Variants in ERCC5 observed in about 807,000 individuals in gnomAD.
ERCC5 encodes ERCC excision repair 5, endonuclease, also known as DNA excision repair protein ERCC-5.
A neutral mutation model predicts 105.6 loss-of-function variants in ERCC5; 68 were observed. The ratio of observed to expected loss-of-function variants is 0.64; its 90% confidence interval spans 0.53 to 0.79. The LOEUF (loss-of-function observed/expected upper bound fraction) is 0.79, where lower values mean the gene tolerates loss of function less well. Among genes scored for constraint, ERCC5 ranks in the 30% least tolerant of loss-of-function variants. The pLI, the probability that ERCC5 is intolerant of heterozygous loss-of-function variation, is 0.00. For synonymous variants in ERCC5, 546 were observed against 526.2 expected (o/e 1.04, Z -0.51); for missense variants, 1,373 against 1,426.7 (o/e 0.96, Z 0.61).
At chr13:102,849,471 T>A (rs778716920) in intron 1 of ERCC5, 4 of 517,956 alleles carry the variant, frequency 7.7e-6, no homozygotes, top group South Asian at 5.6e-5. Context: ...TGGATATGCC[T>A]GGCCCATGGT....
At chr13:102,855,945 T>C (rs1291218622) in intron 4 of ERCC5, 107 bp from the exon 5 acceptor site, 4 of 1,126,470 alleles carry the variant, frequency 3.6e-6, no homozygotes, top group Non-Finnish European at 4.0e-6. Context: ...ATCTTGCTGT[T>C]TTATTCACCA....
At chr13:102,872,531 C>A (rs1595390246) in intron 13 of ERCC5, 133 bp downstream of exon 13, 1 of 1,077,798 alleles carries the variant, frequency 9.3e-7, no homozygotes, top group East Asian at 2.6e-5. Context: ...TCCCGCTCTC[C>A]TTTTCACTCT....
Position 102,862,808 on chromosome 13 carries a change from G to C in ERCC5, c.1659G>C (p.Glu553Asp), listed in dbSNP as rs746518425. ...AGCAGAACGAACTTTGCCCATATGA[G>C]AGTAAATTCGATTCTTCTCTTCTTT... ...LEQQNELCPY[E>D]SKFDSSLLSS... The change falls in exon 8 of 15, where the codon GAG (glutamate) becomes GAC (aspartate). Residue 553 changes from glutamate (E) to aspartate (D), a missense_variant. Transcript: ENST00000652225. 6.2e-7 allele frequency: 1 copy of C among 1,614,206 alleles called. No individual in the cohort carries two copies. The highest frequency in any genetic ancestry group is 8.5e-7 in the Non-Finnish European group (1 of 1,180,036).
At chr13:102,868,047 A>G in intron 11 of ERCC5, 66 bp from the exon 12 acceptor site, 1 of 1,478,788 alleles carries the variant, frequency 6.8e-7, no homozygotes, top group Non-Finnish European at 9.3e-7. Flanking sequence ...GATTTATATA[A>G]TAAAATGTTT....
At chr13:102,855,601 C>T (rs974115256) in intron 4 of ERCC5, among the ~76,000 whole-genome samples, 1 of 152,216 alleles carries the variant, frequency 6.6e-6, no homozygotes, top group African/African-American at 2.4e-5. Context: ...TTACACTTTC[C>T]AGTCTTATCC....
Position 102,866,449 on chromosome 13 carries a change from AG to A in ERCC5, c.2319+73del. On this transcript the variant is annotated intron_variant, in intron 10 of 14. Coordinates refer to ENST00000652225, the MANE Select transcript of ERCC5 (RefSeq NM_000123.4). ...ACCCCTGGGGGAATGCACTGCATGA[AG>A]GGGGTATGCACTGTGCCCCCTGGTG... 1.9e-6 allele frequency: 3 copies of A among 1,613,250 alleles called. No homozygotes were observed. The South Asian group carries it at 3.3e-5, about 18-fold the overall frequency.
At chr13:102,847,813 A>C (rs1189123420) in intron 1 of ERCC5, among the ~76,000 whole-genome samples, 2 of 152,210 alleles carry the variant, frequency 1.3e-5, no homozygotes, top group Non-Finnish European at 2.9e-5. Flanking sequence ...GAACCCTTAA[A>C]ACTTCAGCAA....
intron 1 of ERCC5, among the ~76,000 whole-genome samples, chr13:102,848,469 CTT>C (rs1452155550): frequency 6.6e-6 from 1 of 152,114 alleles, no homozygotes; most frequent in African/African-American, 2.4e-5. Context: ...ACTTTTGTCT[CTT>C]ATAGATTTTA....
chr13:102,869,489 T>TA (rs1366615848), intron 12 of ERCC5, among the ~76,000 whole-genome samples: 1 of 152,150 alleles, frequency 6.6e-6, no homozygotes, highest in African/African-American at 2.4e-5. Flanking sequence ...CATATATATG[T>TA]ATACTCATTT....
chr13:102,874,351 C>T (rs1566473708), intron 14 of ERCC5, among the ~76,000 whole-genome samples: 1 of 152,134 alleles, frequency 6.6e-6, no homozygotes, highest in African/African-American at 2.4e-5. Flanking sequence ...ATCCTCCCCC[C>T]CAACTTATTA....
intron 8 of ERCC5, among the ~76,000 whole-genome samples, chr13:102,864,271 A>G (rs986556839): frequency 2.0e-5 from 3 of 152,190 alleles, no homozygotes; most frequent in Non-Finnish European, 4.4e-5. Context: ...CTATATAAAT[A>G]TGCTGTTCCT....
chr13:102,872,968 C>T (rs1258400773), intron 13 of ERCC5, among the ~76,000 whole-genome samples: 7 of 152,196 alleles, frequency 4.6e-5, no homozygotes, highest in Non-Finnish European at 8.8e-5. Context: ...GGCAAGATAT[C>T]TGAAACTTGT....
At chr13:102,859,067 T>G (rs1595380985) in intron 6 of ERCC5, 1 of 346,256 alleles carries the variant, frequency 2.9e-6, no homozygotes, top group Non-Finnish European at 5.9e-6. Context: ...TGCAGTTGGG[T>G]GCTAGCAAAT....
intron 14 of ERCC5, among the ~76,000 whole-genome samples, chr13:102,874,485 T>G (rs2140541379): frequency 6.6e-6 from 1 of 152,368 alleles, no homozygotes; most frequent in South Asian, 2.1e-4. Flanking sequence ...AAGTTTGTTA[T>G]AGTAATGCTG....
chr13:102,868,213 C>G lies in ERCC5; in HGVS notation c.2634C>G (p.Leu878=), dbSNP rs1413143300. The G allele has an allele frequency of 3.7e-6, 6 of 1,614,198 alleles. No individual in the cohort carries two copies. Among genetic ancestry groups the G allele is most frequent in the Non-Finnish European group, 5.1e-6 (6 of 1,180,030 alleles). Residue 878 remains leucine, a synonymous_variant, in exon 12 of 15, where the codon CTC becomes CTG. Transcript: ENST00000652225. ...GTTGTGTAACCGCCATGGAAATTCT[C>G]AATGAATTCCCTGGGCATGGCCTGG... ...TVGCVTAMEI[L]NEFPGHGLEP...
chr13:102,865,354 TTTTGAATTTTTAAAACAATGTCAG>T lies in ERCC5; in HGVS notation c.1955-310_1955-287del. On this transcript the variant is annotated intron_variant, in intron 8 of 14. Coordinates refer to ENST00000652225, the MANE Select transcript of ERCC5 (RefSeq NM_000123.4). The surrounding 1 kb of genome is among the most constrained non-coding windows in gnomAD (Gnocchi z 4.0). ...GTTTATATACTTTGATAATCCTCCT[TTTTGAATTTTTAAAACAATGTCAG>T]TTAACTTAGAACATATTTATATAAA... 1 of 359,452 alleles carries T rather than the reference TTTTGAATTTTTAAAACAATGTCAG, an allele frequency of 2.8e-6. No homozygotes were observed. Among genetic ancestry groups the T allele is most frequent in the Non-Finnish European group, 5.3e-6 (1 of 187,570 alleles). The allele number at this position is 359,452 out of a possible 1,614,324, so 22.3% of individuals were successfully genotyped here.
chr13:102,873,940 GA>G (rs1223342162), intron 14 of ERCC5, among the ~76,000 whole-genome samples: 6 of 152,140 alleles, frequency 3.9e-5, no homozygotes, highest in African/African-American at 1.4e-4. Flanking sequence ...CCACTTAGCA[GA>G]AATGAGAATG....
chr13:102,853,673 C>A, intron 2 of ERCC5, 84 bp from the exon 3 acceptor site: 1 of 1,437,972 alleles, frequency 7.0e-7, no homozygotes, highest in South Asian at 1.2e-5. Context: ...TCAGACAAAC[C>A]AAATTCTCTG....
At position 102,865,708 on chromosome 13, in the gene ERCC5, C is replaced by G. The variant is rs1287863565; in HGVS notation, c.1996C>G (p.Leu666Val). Residue 666 changes from leucine to valine, a missense_variant, in exon 9 of 15, where the codon CTT (leucine) becomes GTT (valine). Transcript: ENST00000652225. This position sits in a 1 kb window ranked among gnomAD's most constrained non-coding sequence, Gnocchi z 4.0. Reference protein sequence around the residue: ...EVQSVISDEELQAEFPETSKP... With the variant: ...EVQSVISDEEVQAEFPETSKP... ...GCAAAGTGTGATTAGTGATGAGGAA[C>G]TTCAAGCAGAATTCCCTGAAACTTC... 3 of 1,613,868 alleles carry G rather than the reference C, an allele frequency of 1.9e-6. No homozygotes were observed. The highest frequency in any genetic ancestry group is 2.5e-6 in the Non-Finnish European group (3 of 1,179,858).
Sources: gnomAD v4.1 joint callset for allele counts (sites outside exome capture counted in the v4.1 genomes callset) on GRCh38, gnomAD v4.1.1 for gene constraint, Gnocchi (gnomAD v3.1) non-coding constraint, MANE v1.5 for transcripts, NCBI Gene and HGNC (gene_info 2026-07-23, HGNC 2026-07-21) for gene names.